Variants in RSRC1 observed in about 807,000 individuals in gnomAD.
RSRC1 encodes the protein arginine and serine rich coiled-coil 1.
RSRC1 carries 39 observed loss-of-function variants against 49.1 expected under a neutral mutation model. That is an observed-to-expected ratio of 0.79 (90% CI 0.61 to 1.04). The LOEUF is 1.04. Ranked by LOEUF, RSRC1 falls within the 50% of genes least tolerant of loss-of-function variation. The pLI, the probability that RSRC1 is intolerant of heterozygous loss-of-function variation, is 0.00. For missense variants in RSRC1, 388 were observed against 402.4 expected (o/e 0.96, Z 0.31); for synonymous variants, 143 against 130.8 (o/e 1.09, Z -0.63).
intron 3 of RSRC1, among the ~76,000 whole-genome samples, chr3:158,142,814 A>G (rs577568807): frequency 5.7e-4 from 86 of 152,200 alleles, no homozygotes; most frequent in Non-Finnish European, 9.1e-4. Context: ...TCAACATGAG[A>G]TTTGGAGGGA....
chr3:158,240,894 A>G (rs1723535107), intron 4 of RSRC1, among the ~76,000 whole-genome samples: 1 of 152,206 alleles, frequency 6.6e-6, no homozygotes, highest in African/African-American at 2.4e-5. Flanking sequence ...ACAATATACA[A>G]TACAATAAAA....
chr3:158,117,512 A>G (rs912741411), intron 1 of RSRC1, among the ~76,000 whole-genome samples: 40 of 68,838 alleles, frequency 5.8e-4, no homozygotes, highest in Non-Finnish European at 4.0e-4. Context: ...GCTGGTCTCA[A>G]ACTCCCTGGG....
intron 5 of RSRC1, among the ~76,000 whole-genome samples, chr3:158,339,436 A>G (rs1467341464): frequency 6.6e-6 from 1 of 152,198 alleles, no homozygotes; most frequent in Non-Finnish European, 1.5e-5. Flanking sequence ...TGGAGCTCAT[A>G]AGATCACTTT....
intron 4 of RSRC1, among the ~76,000 whole-genome samples, chr3:158,229,594 G>C (rs994345771): frequency 1.3e-5 from 2 of 150,350 alleles, no homozygotes; most frequent in African/African-American, 2.4e-5. Flanking sequence ...TTCTGGTTGT[G>C]ATTGAAAGCA....
intron 8 of RSRC1, 44 bp from the exon 9 acceptor site, chr3:158,543,291 T>G: frequency 1.4e-6 from 2 of 1,419,960 alleles, no homozygotes; most frequent in Non-Finnish European, 1.8e-6. Context: ...AGTAAAACTC[T>G]AATTGTGTAT....
chr3:158,366,525 T>C (rs1303454917), intron 6 of RSRC1, among the ~76,000 whole-genome samples: 1 of 152,188 alleles, frequency 6.6e-6, no homozygotes, highest in Non-Finnish European at 1.5e-5. Context: ...TTGGTACCAG[T>C]GCCATGCTGT....
At chr3:158,191,013 C>T (rs950556147) in intron 3 of RSRC1, among the ~76,000 whole-genome samples, 1 of 151,922 alleles carries the variant, frequency 6.6e-6, no homozygotes, top group African/African-American at 2.4e-5. Context: ...CCTTCTAACT[C>T]CTGGAGTCAA....
At chr3:158,196,578 C>T (rs1373115560) in intron 3 of RSRC1, among the ~76,000 whole-genome samples, 1 of 152,078 alleles carries the variant, frequency 6.6e-6, no homozygotes, top group Non-Finnish European at 1.5e-5. Flanking sequence ...TGTCTTGTGC[C>T]AGTTTTCAAA....
intron 7 of RSRC1, among the ~76,000 whole-genome samples, chr3:158,462,994 C>A (rs1737694203): frequency 6.6e-6 from 1 of 151,956 alleles, no homozygotes; most frequent in Non-Finnish European, 1.5e-5. Context: ...CAATGCCTAA[C>A]ACATAGTAGA....
intron 5 of RSRC1, among the ~76,000 whole-genome samples, chr3:158,345,288 A>AT (rs1312466820): frequency 6.6e-6 from 1 of 152,124 alleles, no homozygotes; most frequent in East Asian, 1.9e-4. Context: ...TGGTAGATTA[A>AT]TAATTACGGT....
chr3:158,258,472 G>T (rs1231997259), intron 4 of RSRC1, among the ~76,000 whole-genome samples: 1 of 151,378 alleles, frequency 6.6e-6, no homozygotes, highest in Non-Finnish European at 1.5e-5. Context: ...CTGCCTTTAG[G>T]ATCCTTTTCT....
In RSRC1 at chr3:158,446,682, G is replaced by A. The variant is rs145103931; in HGVS notation, c.584-14253G>A. ...GACTGAATTTAGTTACTTGAGTGCCGACATAGATTTTGATTATGATTTTTA... is the reference window on the plus strand; with the variant it reads ...GACTGAATTTAGTTACTTGAGTGCCAACATAGATTTTGATTATGATTTTTA... On this transcript the variant is annotated intron_variant, in intron 6 of 9. Transcript: ENST00000611884. 2.4e-4 allele frequency among the ~76,000 whole-genome samples: 37 copies of A among 151,882 alleles called. No individual in the cohort carries two copies. In the East Asian group the frequency reaches 2.9e-3, roughly 12 times the overall value.
intron 3 of RSRC1, among the ~76,000 whole-genome samples, chr3:158,131,512 C>G (rs1335161873): frequency 1.3e-5 from 2 of 152,160 alleles, no homozygotes; most frequent in East Asian, 3.9e-4. Flanking sequence ...TTGTACCATA[C>G]CCAAAACACC....
intron 5 of RSRC1, among the ~76,000 whole-genome samples, chr3:158,331,308 G>C (rs1487199254): frequency 6.6e-6 from 1 of 152,208 alleles, no homozygotes; most frequent in Non-Finnish European, 1.5e-5. Flanking sequence ...GAGAGAGCTT[G>C]ACTAGTAGTC....
chr3:158,306,497 A>G (rs1727848573), intron 5 of RSRC1, among the ~76,000 whole-genome samples: 1 of 151,952 alleles, frequency 6.6e-6, no homozygotes, highest in Non-Finnish European at 1.5e-5. Context: ...TTATGGAGTC[A>G]GCACAGATTC....
intron 3 of RSRC1, among the ~76,000 whole-genome samples, chr3:158,147,716 G>A (rs1253092102): frequency 6.6e-6 from 1 of 151,936 alleles, no homozygotes; most frequent in East Asian, 1.9e-4. Context: ...CTACATTATT[G>A]GTTTGTTCAA....
At chr3:158,542,241 CATT>C (rs1713070685) in intron 8 of RSRC1, among the ~76,000 whole-genome samples, 1 of 152,064 alleles carries the variant, frequency 6.6e-6, no homozygotes, top group South Asian at 2.1e-4. Context: ...ACCTTAAAAA[CATT>C]ATGTGGCTGG....
At chr3:158,262,605 C>T (rs1724964223) in intron 4 of RSRC1, among the ~76,000 whole-genome samples, 1 of 151,968 alleles carries the variant, frequency 6.6e-6, no homozygotes, top group Admixed American at 6.6e-5. Context: ...AAATATCCTG[C>T]TTTGATTTTT....
intron 7 of RSRC1, among the ~76,000 whole-genome samples, chr3:158,524,926 A>C (rs1374404701): frequency 1.3e-5 from 2 of 152,030 alleles, no homozygotes; most frequent in Non-Finnish European, 2.9e-5. Flanking sequence ...CGGGACCCAT[A>C]AGAATTAGCT....
Sources: gnomAD v4.1 joint callset for allele counts (sites outside exome capture counted in the v4.1 genomes callset) on GRCh38, gnomAD v4.1.1 for gene constraint, MANE v1.5 for transcripts, NCBI Gene and HGNC (gene_info 2026-07-23, HGNC 2026-07-21) for gene names.